The following APAF1 variants were observed in gnomAD, a reference collection of about 807,000 sequenced individuals.
APAF1 encodes the protein apoptotic protease-activating factor 1.
Under a neutral mutation model 152.4 loss-of-function variants are expected in APAF1, and 91 were observed. The ratio of observed to expected loss-of-function variants is 0.60; its 90% CI spans 0.50 to 0.71. The LOEUF (loss-of-function observed/expected upper bound fraction) is 0.71. APAF1 is among the 30% of genes least tolerant of loss of function. APAF1 has a pLI of 0.00. For synonymous variants in APAF1, 484 were observed against 494.1 expected (o/e 0.98, Z 0.27); for missense variants, 1,283 against 1,472.0 (o/e 0.87, Z 2.10).
Position 98,723,207 on chromosome 12 carries a change from A to T in APAF1, c.3099A>T (p.Gln1033His). 6.2e-7 allele frequency: 1 copy of T among 1,613,570 alleles called. No individual in the cohort carries two copies. Among genetic ancestry groups the T allele is most frequent in the Non-Finnish European group, 8.5e-7 (1 of 1,179,596 alleles). The part of the protein sequence containing the change: ...DDAEIQVWNW[Q>H]LDKCIFLRGH... ...TTGATATTCAGGTATGGAATTGGCA[A>T]TTGGACAAATGTATCTTTCTACGAG... Residue 1033 changes from glutamine to histidine, a missense_variant, in exon 23 of 27, where the codon CAA (glutamine) becomes CAT (histidine). By Grantham distance (24) the Gln-to-His change is conservative. Coordinates refer to ENST00000551964, the MANE Select transcript of APAF1 (RefSeq NM_181861.2).
At chr12:98,674,596 C>T (rs2097684596) in intron 12 of APAF1, among the ~76,000 whole-genome samples, 1 of 152,078 alleles carries the variant, frequency 6.6e-6, no homozygotes, top group African/African-American at 2.4e-5. Flanking sequence ...CATACTAGTC[C>T]ATGTGTTCTG....
chr12:98,731,855 C>T (rs17028653), intron 26 of APAF1, among the ~76,000 whole-genome samples: 3,412 of 152,154 alleles, frequency 0.022, 139 homozygotes, highest in African/African-American at 0.079. Flanking sequence ...GCCCTTGCTA[C>T]GTTTGAGATG....
intron 7 of APAF1, among the ~76,000 whole-genome samples, chr12:98,663,484 G>T (rs2153315611): frequency 6.6e-6 from 1 of 152,076 alleles, no homozygotes; most frequent in South Asian, 2.1e-4. Context: ...AAAGCACTGG[G>T]ACTACAGGCA....
At chr12:98,673,404 C>G (rs973217187) in intron 12 of APAF1, among the ~76,000 whole-genome samples, 3 of 150,036 alleles carry the variant, frequency 2.0e-5, no homozygotes, top group Non-Finnish European at 4.4e-5. Context: ...CCACTGCACT[C>G]CAGCCTGGGC....
intron 18 of APAF1, among the ~76,000 whole-genome samples, 177 bp from the exon 19 acceptor site, chr12:98,706,308 A>C (rs2097721338): frequency 6.6e-6 from 1 of 152,208 alleles, no homozygotes; most frequent in Admixed American, 6.5e-5. Context: ...TTTGCTATAA[A>C]AAATAATGAT....
intron 11 of APAF1, among the ~76,000 whole-genome samples, chr12:98,671,318 A>T: frequency 6.6e-6 from 1 of 152,110 alleles, no homozygotes; most frequent in East Asian, 1.9e-4. Context: ...TAAAAAAAGA[A>T]TGTATTAAGA....
At chr12:98,682,236 G>T (rs542357812) in intron 14 of APAF1, among the ~76,000 whole-genome samples, 1 of 151,654 alleles carries the variant, frequency 6.6e-6, no homozygotes, top group Admixed American at 6.6e-5. Flanking sequence ...TGTATTTTTA[G>T]TAGAGACGGG....
At chr12:98,676,936 C>T (rs1156398721) in intron 12 of APAF1, among the ~76,000 whole-genome samples, 4 of 152,294 alleles carry the variant, frequency 2.6e-5, no homozygotes, top group East Asian at 1.9e-4. Context: ...TGAGCCACTG[C>T]GCCTGGCTGA....
chr12:98,675,085 G>A (rs950708865), intron 12 of APAF1, among the ~76,000 whole-genome samples: 3 of 152,116 alleles, frequency 2.0e-5, no homozygotes, highest in Non-Finnish European at 4.4e-5. Context: ...TCATAGAATG[G>A]TTAGCTATTT....
chr12:98,670,498 C>A (rs2153319553), intron 10 of APAF1, among the ~76,000 whole-genome samples: 1 of 151,996 alleles, frequency 6.6e-6, no homozygotes, highest in African/African-American at 2.4e-5. Context: ...AGGATTGAAG[C>A]CCTGATCTAT....
chr12:98,691,191 GC>G (rs915252625), intron 16 of APAF1, among the ~76,000 whole-genome samples: 1 of 152,040 alleles, frequency 6.6e-6, no homozygotes, highest in African/African-American at 2.4e-5. Flanking sequence ...TGGGGGAAGA[GC>G]GAGACTCCGT....
intron 17 of APAF1, among the ~76,000 whole-genome samples, chr12:98,701,639 AC>A (rs774830724): frequency 3.3e-5 from 5 of 152,186 alleles, no homozygotes; most frequent in Non-Finnish European, 7.4e-5. Context: ...ATTTTAAGAG[AC>A]CTGTTCTAGT....
At chr12:98,672,176 T>G (rs2097681000) in intron 12 of APAF1, among the ~76,000 whole-genome samples, 1 of 152,048 alleles carries the variant, frequency 6.6e-6, no homozygotes, top group Non-Finnish European at 1.5e-5. Flanking sequence ...TTTATTTATT[T>G]ATTTTTGAGA....
intron 13 of APAF1, among the ~76,000 whole-genome samples, chr12:98,679,873 C>T (rs963038051): frequency 2.0e-5 from 3 of 152,266 alleles, no homozygotes; most frequent in Non-Finnish European, 2.9e-5. Flanking sequence ...ACACACGCCT[C>T]GCTGTTCCAC....
intron 26 of APAF1, 149 bp from the exon 27 acceptor site, chr12:98,732,271 G>A: frequency 2.8e-6 from 2 of 714,880 alleles, no homozygotes; most frequent in Admixed American, 2.1e-5. Context: ...AGGTTGAATA[G>A]TATATTCAGC....
intron 23 of APAF1, 96 bp from the exon 24 acceptor site, chr12:98,723,543 C>T (rs1206160438): frequency 4.8e-6 from 6 of 1,237,708 alleles, no homozygotes; most frequent in Non-Finnish European, 6.9e-6. Context: ...TATTAAAACT[C>T]TTGTTTTATA....
intron 13 of APAF1, among the ~76,000 whole-genome samples, chr12:98,678,597 CT>C (rs749813416): frequency 3.2e-4 from 49 of 152,254 alleles, no homozygotes; most frequent in Non-Finnish European, 5.6e-4. Flanking sequence ...CCCCTTCCCC[CT>C]GGTGCAGCTG....
At chr12:98,655,619 TA>T (rs1403302123) in intron 4 of APAF1, among the ~76,000 whole-genome samples, 9 of 152,198 alleles carry the variant, frequency 5.9e-5, no homozygotes, top group African/African-American at 1.9e-4. Flanking sequence ...TTAATCTTTT[TA>T]TTTTTATTTT....
At chr12:98,657,880 A>G (rs1296457453) in intron 4 of APAF1, among the ~76,000 whole-genome samples, 1 of 152,214 alleles carries the variant, frequency 6.6e-6, no homozygotes, top group Non-Finnish European at 1.5e-5. Context: ...AAATGAATGA[A>G]CATACAGAGA....
Sources: gnomAD v4.1 joint callset for allele counts (sites outside exome capture counted in the v4.1 genomes callset) on GRCh38, gnomAD v4.1.1 for gene constraint, MANE v1.5 for transcripts, NCBI Gene and HGNC (gene_info 2026-07-23, HGNC 2026-07-21) for gene names.